Variants in CFAP69 observed in about 807,000 individuals in gnomAD.
CFAP69 encodes cilia- and flagella-associated protein 69.
CFAP69 carries 92 observed loss-of-function variants against 123.0 expected under a neutral mutation model. That is an observed-to-expected ratio of 0.75 (90% CI 0.63 to 0.89). The LOEUF is 0.89. Among genes scored for constraint, CFAP69 ranks in the 40% least tolerant of loss-of-function variants. The pLI is 0.00. For missense variants in CFAP69, 1,067 were observed against 1,096.9 expected (o/e 0.97, Z 0.39); for synonymous variants, 380 against 364.3 (o/e 1.04, Z -0.49).
intron 4 of CFAP69, 115 bp downstream of exon 4, chr7:90,262,171 A>C: frequency 3.2e-6 from 2 of 624,832 alleles, no homozygotes; most frequent in Non-Finnish European, 5.3e-6. Context: ...GAACTCAGAA[A>C]ACTTCAGTTC....
Position 90,274,098 on chromosome 7 carries a change from A to G in CFAP69, c.972A>G (p.Glu324=), listed in dbSNP as rs761696915. ...CTACAATTATAGCTCAAAATCCTGAAGCACCAATGATTGTAAGTATGAATC... is the reference window on the plus strand; with the variant it reads ...CTACAATTATAGCTCAAAATCCTGAGGCACCAATGATTGTAAGTATGAATC... The part of the protein sequence containing the change: ...VITTIIAQNP[E]APMIECGFTK... Residue 324 remains glutamate, a synonymous_variant, in exon 9 of 23, where the codon GAA becomes GAG. Coordinates refer to ENST00000389297, the MANE Select transcript of CFAP69 (RefSeq NM_001039706.3). 4 of 1,593,364 alleles carry G rather than the reference A, an allele frequency of 2.5e-6. No individual in the cohort carries two copies. The highest frequency in any genetic ancestry group is 1.7e-4 in the Middle Eastern group (1 of 5,878).
chr7:90,249,899 T>C (rs1159778526), intron 1 of CFAP69, among the ~76,000 whole-genome samples: 1 of 152,196 alleles, frequency 6.6e-6, no homozygotes, highest in Non-Finnish European at 1.5e-5. Context: ...GTAGGTATCA[T>C]GCCTGAACTT....
chr7:90,255,790 T>C (rs184490363), intron 2 of CFAP69, among the ~76,000 whole-genome samples: 2 of 152,210 alleles, frequency 1.3e-5, no homozygotes, highest in Admixed American at 1.3e-4. Context: ...TGTTACCTAG[T>C]AGGATTGGAG....
intron 18 of CFAP69, 81 bp from the exon 19 acceptor site, chr7:90,304,663 A>G (rs17866416): frequency 3.1e-4 from 283 of 922,008 alleles, no homozygotes; most frequent in East Asian, 2.1e-3. Context: ...AGATAGATAG[A>G]TAGATAGATA....
intron 1 of CFAP69, among the ~76,000 whole-genome samples, chr7:90,246,732 GAATTT>G (rs1796381345): frequency 6.6e-6 from 1 of 151,898 alleles, no homozygotes; most frequent in Admixed American, 6.6e-5. Flanking sequence ...AAAAGTATGT[GAATTT>G]GATAACTGAT....
intron 9 of CFAP69, among the ~76,000 whole-genome samples, chr7:90,275,849 G>A (rs762769377): frequency 6.6e-6 from 1 of 151,878 alleles, no homozygotes; most frequent in Non-Finnish European, 1.5e-5. Context: ...GGATCTGCCC[G>A]CCTTGGCCTC....
Position 90,310,187 on chromosome 7 carries a change from G to A in CFAP69, c.2775G>A (p.Arg925=). The change falls in exon 23 of 23, where the codon AGG becomes AGA. Residue 925 remains arginine, a synonymous_variant. Transcript: ENST00000389297. The part of the protein sequence containing the change: ...KLPIRGGALQ[R]VKAVKIVDAP... ...CCATTCGAGGAGGAGCCTTGCAGAG[G>A]GTGAAAGCAGTTAAAATTGTGGATG... 1 of 1,613,716 alleles carries A rather than the reference G, an allele frequency of 6.2e-7. No individual in the cohort carries two copies. Among genetic ancestry groups the A allele is most frequent in the Non-Finnish European group, 8.5e-7 (1 of 1,179,818 alleles).
At chr7:90,278,618 C>T (rs1280713537) in intron 11 of CFAP69, among the ~76,000 whole-genome samples, 1 of 151,898 alleles carries the variant, frequency 6.6e-6, no homozygotes, top group Non-Finnish European at 1.5e-5. Flanking sequence ...ATTAATTGAA[C>T]AACACTTTAT....
At chr7:90,270,704 A>G (rs958775241) in intron 6 of CFAP69, among the ~76,000 whole-genome samples, 2 of 152,132 alleles carry the variant, frequency 1.3e-5, no homozygotes, top group African/African-American at 4.8e-5. Context: ...TCAAAAATCA[A>G]AAAGTCAGGG....
intron 5 of CFAP69, 105 bp from the exon 6 acceptor site, chr7:90,268,181 G>C (rs532739354): frequency 5.9e-6 from 4 of 680,128 alleles, no homozygotes; most frequent in South Asian, 5.9e-5. Context: ...TTGAATCTCT[G>C]AGAATATTTT....
At chr7:90,299,768 A>C (rs1792499618) in intron 16 of CFAP69, 99 bp from the exon 17 acceptor site, 5 of 991,132 alleles carry the variant, frequency 5.0e-6, no homozygotes, top group Non-Finnish European at 7.2e-6. Context: ...GTTTAGAAGA[A>C]ACTTAATGAT....
chr7:90,307,553 T>G (rs770154673), intron 20 of CFAP69, among the ~76,000 whole-genome samples: 4 of 152,106 alleles, frequency 2.6e-5, no homozygotes, highest in Non-Finnish European at 5.9e-5. Flanking sequence ...CTCTGTGCAG[T>G]TTTAAAAGAA....
Position 90,284,226 on chromosome 7 carries a change from A to G in CFAP69, c.1537+1170A>G, listed in dbSNP as rs144070248. 8.9e-3 allele frequency among the ~76,000 whole-genome samples: 1,352 copies of G among 152,256 alleles called. 20 individuals are homozygous for G. Among genetic ancestry groups the G allele is most frequent in the African/African-American group, 0.03 (1,264 of 41,550 alleles). The stretch of plus-strand genomic sequence containing the variant: ...ATCTTTATGTTAAGTTCTTAGAGGC[A>G]GGGACCTTGTCTTATTGAGTCTAAC... On this transcript the variant is annotated intron_variant, in intron 13 of 22. Coordinates refer to ENST00000389297, the MANE Select transcript of CFAP69 (RefSeq NM_001039706.3).
chr7:90,265,807 A>G (rs1799076681), intron 5 of CFAP69, among the ~76,000 whole-genome samples: 1 of 152,248 alleles, frequency 6.6e-6, no homozygotes, highest in Non-Finnish European at 1.5e-5. Flanking sequence ...ATAGCATATT[A>G]AGAACTTCAG....
intron 9 of CFAP69, among the ~76,000 whole-genome samples, chr7:90,276,349 C>G (rs906820618): frequency 5.3e-5 from 8 of 152,196 alleles, no homozygotes; most frequent in African/African-American, 1.9e-4. Flanking sequence ...AGTAATTTCT[C>G]ATTAGTGTCC....
At chr7:90,266,302 A>G (rs1349706903) in intron 5 of CFAP69, 1 of 152,090 alleles carries the variant, frequency 6.6e-6, no homozygotes, top group Non-Finnish European at 1.5e-5. Context: ...GAGTAGGTGA[A>G]GGTGTTGTTG....
chr7:90,246,443 C>T (rs1005773159), intron 1 of CFAP69, among the ~76,000 whole-genome samples: 3 of 152,212 alleles, frequency 2.0e-5, no homozygotes, highest in Non-Finnish European at 4.4e-5. Flanking sequence ...AACCCTGTCT[C>T]TTGCGTTCAC....
At chr7:90,254,233 AC>A (rs1435866263) in intron 1 of CFAP69, among the ~76,000 whole-genome samples, 2 of 152,086 alleles carry the variant, frequency 1.3e-5, no homozygotes, top group Admixed American at 6.6e-5. Flanking sequence ...TGTGTTGGTT[AC>A]TATAGTTTTG....
At chr7:90,276,338 T>C (rs1229983557) in intron 9 of CFAP69, among the ~76,000 whole-genome samples, 1 of 152,186 alleles carries the variant, frequency 6.6e-6, no homozygotes, top group Non-Finnish European at 1.5e-5. Flanking sequence ...CCTGGTCAGG[T>C]AGTAATTTCT....
Sources: gnomAD v4.1 joint callset for allele counts (sites outside exome capture counted in the v4.1 genomes callset) on GRCh38, gnomAD v4.1.1 for gene constraint, MANE v1.5 for transcripts, NCBI Gene and HGNC (gene_info 2026-07-23, HGNC 2026-07-21) for gene names.